CHLSN: variants seen among roughly 807,000 people sequenced by gnomAD.
CHLSN encodes the protein protein cholesin.
the CHLSN span, among the ~76,000 whole-genome samples, chr7:1,083,956 G>C: frequency 1.3e-5 from 2 of 152,364 alleles, no homozygotes; most frequent in African/African-American, 4.8e-5. Flanking sequence ...GAACAAGAGA[G>C]ACGAAGTCAC....
At chr7:1,135,910 A>G in the CHLSN span, among the ~76,000 whole-genome samples, 1 of 89,836 alleles carries the variant, frequency 1.1e-5, no homozygotes, top group Non-Finnish European at 2.1e-5. Flanking sequence ...TATATATAAA[A>G]ATATATATAA....
the CHLSN span, among the ~76,000 whole-genome samples, chr7:1,029,334 C>G: frequency 6.6e-6 from 1 of 152,158 alleles, no homozygotes; most frequent in Non-Finnish European, 1.5e-5. Flanking sequence ...CACTACGTTG[C>G]CCAGGCTGTT....
the CHLSN span, chr7:1,028,446 T>C: frequency 9.1e-6 from 9 of 985,642 alleles, no homozygotes; most frequent in Non-Finnish European, 9.6e-6. Flanking sequence ...CTGCGGGGAC[T>C]GGACCTCGGC....
At chr7:1,077,646 T>C in the CHLSN span, 1 of 152,322 alleles carries the variant, frequency 6.6e-6, no homozygotes, top group South Asian at 2.1e-4. Context: ...GGCTGCCTCC[T>C]ACCAGGGCTA....
chr7:1,063,277 G>T, the CHLSN span, among the ~76,000 whole-genome samples: 3 of 152,210 alleles, frequency 2.0e-5, no homozygotes, highest in Non-Finnish European at 4.4e-5. Context: ...CTGAGGCTGG[G>T]ACAAGGACTG....
the CHLSN span, among the ~76,000 whole-genome samples, chr7:1,036,677 TA>T: frequency 3.4e-4 from 51 of 151,592 alleles, 5 homozygotes; most frequent in South Asian, 0.01. Flanking sequence ...AAAAGTCTAT[TA>T]AAAAAAATCC....
the CHLSN span, among the ~76,000 whole-genome samples, chr7:1,062,438 C>A: frequency 2.6e-5 from 4 of 152,162 alleles, no homozygotes; most frequent in African/African-American, 9.7e-5. Context: ...GAAATTCTGT[C>A]CACCCAATCA....
At chr7:1,101,192 G>A in the CHLSN span, among the ~76,000 whole-genome samples, 5 of 152,282 alleles carry the variant, frequency 3.3e-5, no homozygotes, top group Admixed American at 6.5e-5. Flanking sequence ...GCTGGGAAAC[G>A]TCAGCTGCTG....
At chr7:1,082,260 G>A in the CHLSN span, 1 of 152,280 alleles carries the variant, frequency 6.6e-6, no homozygotes, top group Non-Finnish European at 1.5e-5. Flanking sequence ...GGGTGCAGGT[G>A]GACGTCCCCT....
the CHLSN span, chr7:987,629 G>A: frequency 1.5e-4 from 180 of 1,211,192 alleles, no homozygotes; most frequent in South Asian, 2.7e-3. Context: ...GTGGGTGCCT[G>A]ATGGCCCAGC....
the CHLSN span, among the ~76,000 whole-genome samples, chr7:1,052,061 G>A: frequency 0.092 from 13,957 of 152,322 alleles, 1,900 homozygotes; most frequent in African/African-American, 0.3. This position sits in a 1 kb window ranked among gnomAD's most constrained non-coding sequence, Gnocchi z 4.2. Context: ...AAAATAAAAC[G>A]ATTGAAACTG....
chr7:1,080,444 C>A, the CHLSN span, among the ~76,000 whole-genome samples: 1 of 152,310 alleles, frequency 6.6e-6, no homozygotes, highest in African/African-American at 2.4e-5. Flanking sequence ...GGAGGCTGCA[C>A]ACGCACAGGT....
chr7:991,953 G>A, the CHLSN span, among the ~76,000 whole-genome samples: 18 of 152,256 alleles, frequency 1.2e-4, no homozygotes, highest in Admixed American at 1.0e-3. Context: ...CTTTATCCAC[G>A]CACCTGCCAA....
chr7:1,002,183 T>C, the CHLSN span, among the ~76,000 whole-genome samples: 3 of 82,568 alleles, frequency 3.6e-5, no homozygotes, highest in African/African-American at 5.1e-5. Flanking sequence ...AGGTGGGGAG[T>C]CCTGTGGGTG....
the CHLSN span, among the ~76,000 whole-genome samples, chr7:1,110,139 C>T: frequency 6.6e-6 from 1 of 152,194 alleles, no homozygotes; most frequent in Non-Finnish European, 1.5e-5. Flanking sequence ...CCGGCCGAGG[C>T]AGGGCTCAGT....
At chr7:1,115,872 C>A in the CHLSN span, among the ~76,000 whole-genome samples, 31 of 112,074 alleles carry the variant, frequency 2.8e-4, no homozygotes, top group East Asian at 7.2e-3. Context: ...GACATCACTA[C>A]AGCTCTAGGA....
At chr7:1,016,152 C>T in the CHLSN span, among the ~76,000 whole-genome samples, 7,184 of 98,776 alleles carry the variant, frequency 0.073, 1,514 homozygotes, top group African/African-American at 0.2. Context: ...CACAGCAGCA[C>T]ACGCCAGCAC....
At chr7:1,084,034 G>C in the CHLSN span, among the ~76,000 whole-genome samples, 3 of 152,264 alleles carry the variant, frequency 2.0e-5, no homozygotes, top group African/African-American at 7.2e-5. Flanking sequence ...TGGAAGACAT[G>C]GCAAGTCTGT....
At chr7:1,120,730 C>A in the CHLSN span, among the ~76,000 whole-genome samples, 1 of 152,250 alleles carries the variant, frequency 6.6e-6, no homozygotes, top group African/African-American at 2.4e-5. Context: ...ACAACTCAGT[C>A]TCCAAACCCT....
Sources: allele counts gnomAD v4.1 joint callset (sites outside exome capture counted in the v4.1 genomes callset), GRCh38; gene constraint gnomAD v4.1.1; non-coding constraint Gnocchi (gnomAD v3.1); transcripts MANE v1.5; gene names NCBI Gene and HGNC (gene_info 2026-07-23, HGNC 2026-07-21).